The following SPARC variants were observed in gnomAD, a reference collection of about 807,000 sequenced individuals.
SPARC encodes secreted protein acidic and cysteine rich.
SPARC carries 23 observed loss-of-function variants against 37.7 expected under a neutral mutation model. That is an observed-to-expected ratio of 0.61 (90% CI 0.44 to 0.87). SPARC has a LOEUF of 0.87. SPARC is among the 40% of genes least tolerant of loss of function. The pLI, the probability that SPARC is intolerant of heterozygous loss-of-function variation, is 0.00. For missense variants in SPARC, 312 were observed against 389.0 expected (o/e 0.80, Z 1.66); for synonymous variants, 155 against 150.8 (o/e 1.03, Z -0.20).
rs1059279 is a variant in SPARC, at chr5:151,662,618, A to C, written c.*953T>G. On this transcript the variant is annotated 3_prime_UTR_variant, in exon 10 of 10. Coordinates refer to ENST00000231061, the MANE Select transcript of SPARC (RefSeq NM_003118.4). ...AAGTTTCTCTTGATTAATAGAAGAA[A>C]AAAGGGGAGGGTGAAGAAAAGGAGG... is the stretch of plus-strand genomic sequence containing the variant. 0.14 allele frequency: 21,640 copies of C among 152,688 alleles called. 2,120 individuals are homozygous for C. The highest frequency in any genetic ancestry group is 0.38 in the East Asian group (1,972 of 5,182). The allele number at this position is 152,688 out of a possible 1,614,324, so 9.5% of individuals were successfully genotyped here.
In SPARC at chr5:151,667,765, T is replaced by C. The variant is rs1760662009; in HGVS notation, c.452-165A>G. 11 of 726,164 alleles carry C rather than the reference T, an allele frequency of 1.5e-5. No individual in the cohort carries two copies. The East Asian group carries it at 2.5e-4, about 16-fold the overall frequency. 45.0% of individuals were successfully genotyped at this position (726,164 alleles called of 1,614,324 possible). On this transcript the variant is annotated intron_variant, in intron 6 of 9. Coordinates refer to ENST00000231061, the MANE Select transcript of SPARC (RefSeq NM_003118.4). ...ACAGGACAATGAGCAGAGGAGATTATGTGTGGGAAGAATGCCCTAGAAATG... is the reference window on the plus strand; with the variant it reads ...ACAGGACAATGAGCAGAGGAGATTACGTGTGGGAAGAATGCCCTAGAAATG...
chr5:151,681,837 G>C (rs1760999811), intron 1 of SPARC, among the ~76,000 whole-genome samples: 1 of 152,208 alleles, frequency 6.6e-6, no homozygotes, highest in Non-Finnish European at 1.5e-5. Flanking sequence ...AGGTTGCAGT[G>C]AGCCAAGATT....
intron 6 of SPARC, among the ~76,000 whole-genome samples, chr5:151,668,442 C>A (rs955928826): frequency 1.3e-5 from 2 of 152,136 alleles, no homozygotes; most frequent in Admixed American, 6.5e-5. Context: ...CGTGAGCCAC[C>A]GCGCCTGACC....
chr5:151,674,707 T>A, intron 2 of SPARC, 33 bp from the exon 3 acceptor site: 1 of 1,610,224 alleles, frequency 6.2e-7, no homozygotes, highest in Non-Finnish European at 8.5e-7. Flanking sequence ...TTCAGAGGGG[T>A]CAGGAATAAG....
At chr5:151,683,272 T>G (rs2113121771) in intron 1 of SPARC, among the ~76,000 whole-genome samples, 1 of 152,328 alleles carries the variant, frequency 6.6e-6, no homozygotes, top group African/African-American at 2.4e-5. Context: ...CCTTTGGGCC[T>G]AATGACAAAG....
intron 9 of SPARC, 113 bp from the exon 10 acceptor site, chr5:151,663,712 A>G (rs1561915186): frequency 2.0e-6 from 2 of 997,528 alleles, no homozygotes; most frequent in East Asian, 4.8e-5. Flanking sequence ...CTAGGTGGCC[A>G]TGCAAGGTCA....
At position 151,685,392 on chromosome 5, in the gene SPARC, C is replaced by CCT. The variant is rs5872225; in HGVS notation, c.-14+1471_-14+1472dup. ...GAAAGCTGTGACCACCCATATTCATCCTCTCTCTCTCTCTCTCTCCCTCTC... is the reference window on the plus strand; with the variant it reads ...GAAAGCTGTGACCACCCATATTCATCCTCTCTCTCTCTCTCTCTCTCCCTCTC... On this transcript the variant is annotated intron_variant, in intron 1 of 9. Coordinates refer to ENST00000231061, the MANE Select transcript of SPARC (RefSeq NM_003118.4). 4.2e-3 allele frequency among the ~76,000 whole-genome samples: 586 copies of CCT among 141,178 alleles called. 12 individuals carry two copies. Among genetic ancestry groups the CCT allele is most frequent in the East Asian group, 0.022 (102 of 4,690 alleles). The allele number at this position is 141,178 out of a possible 152,430, so 92.6% of individuals were successfully genotyped here.
intron 1 of SPARC, among the ~76,000 whole-genome samples, chr5:151,685,585 T>C (rs1761120410): frequency 6.6e-6 from 1 of 152,068 alleles, no homozygotes; most frequent in African/African-American, 2.4e-5. Flanking sequence ...GAGCCTTCAG[T>C]TTCAGCCTTC....
At position 151,663,479 on chromosome 5, in the gene SPARC, C is replaced by A; in HGVS notation, c.*92G>T. ...TCTATGTTAGCACCTTGTCTCCAGG[C>A]AGAACAACAAACCATCCAAACATTT... On this transcript the variant is annotated 3_prime_UTR_variant, in exon 10 of 10. Coordinates refer to ENST00000231061, the MANE Select transcript of SPARC (RefSeq NM_003118.4). 1.6e-6 allele frequency: 2 copies of A among 1,267,436 alleles called. No individual in the cohort carries two copies. Among genetic ancestry groups the A allele is most frequent in the East Asian group, 2.3e-5 (1 of 42,896 alleles). 78.5% of individuals were successfully genotyped at this position (1,267,436 alleles called of 1,614,324 possible).
At chr5:151,671,753 C>A in intron 4 of SPARC, 59 bp from the exon 5 acceptor site, 4 of 1,602,050 alleles carry the variant, frequency 2.5e-6, no homozygotes, top group South Asian at 1.1e-5. Flanking sequence ...CCACCCCCAT[C>A]CTACCTGGAC....
chr5:151,667,169 A>G lies in SPARC; in HGVS notation c.585+298T>C, dbSNP rs56916069. On this transcript the variant is annotated intron_variant, in intron 7 of 9. Transcript: ENST00000231061. Reference sequence around the variant, plus strand: ...GCTTCTTGGGGTAGTTAATATGCTCATTAAAGCTTAAGATCCACAGACTCC... The same window carrying G: ...GCTTCTTGGGGTAGTTAATATGCTCGTTAAAGCTTAAGATCCACAGACTCC... Among the ~76,000 whole-genome samples, 27,339 of 152,188 alleles carry G rather than the reference A, an allele frequency of 0.18. 4,591 individuals are homozygous for G. Among genetic ancestry groups the G allele is most frequent in the African/African-American group, 0.45 (18,501 of 41,480 alleles).
At chr5:151,667,329 G>T in intron 7 of SPARC, 138 bp downstream of exon 7, 1 of 906,358 alleles carries the variant, frequency 1.1e-6, no homozygotes, top group South Asian at 1.5e-5. Context: ...AAGGCAGGAA[G>T]AGAAGTACGT....
intron 1 of SPARC, among the ~76,000 whole-genome samples, chr5:151,681,583 T>G (rs937702800): frequency 2.6e-5 from 4 of 152,178 alleles, no homozygotes; most frequent in Non-Finnish European, 5.9e-5. Flanking sequence ...AGTTAATCAA[T>G]AAGTGTGAAA....
intron 8 of SPARC, 95 bp downstream of exon 8, chr5:151,666,266 G>A: frequency 7.9e-7 from 1 of 1,265,374 alleles, no homozygotes; most frequent in Non-Finnish European, 1.1e-6. Context: ...GGATGCCAGG[G>A]CTTGGAGCAG....
At chr5:151,671,515 C>T in intron 5 of SPARC, 58 bp downstream of exon 5, 1 of 1,503,292 alleles carries the variant, frequency 6.7e-7, no homozygotes, top group Non-Finnish European at 8.9e-7. Context: ...CCTGAGCAGA[C>T]ATCCTGTATT....
At chr5:151,678,494 A>G (rs1361327036) in intron 1 of SPARC, among the ~76,000 whole-genome samples, 1 of 152,232 alleles carries the variant, frequency 6.6e-6, no homozygotes, top group African/African-American at 2.4e-5. Context: ...GCACTGTCAC[A>G]TAACACTGTC....
chr5:151,664,683 A>T (rs1046324740), intron 8 of SPARC, among the ~76,000 whole-genome samples: 1 of 152,178 alleles, frequency 6.6e-6, no homozygotes, highest in Non-Finnish European at 1.5e-5. Context: ...TACATCTATA[A>T]ATGCCTAGTA....
chr5:151,662,271 G>A lies in SPARC; in HGVS notation c.*1300C>T, dbSNP rs1164960820. 1.3e-5 allele frequency: 2 copies of A among 152,466 alleles called. No individual in the cohort carries two copies. Among genetic ancestry groups the A allele is most frequent in the Non-Finnish European group, 2.9e-5 (2 of 68,042 alleles). The allele number at this position is 152,466 out of a possible 1,614,324, so 9.4% of individuals were successfully genotyped here. On this transcript the variant is annotated 3_prime_UTR_variant, in exon 10 of 10. Coordinates refer to ENST00000231061, the MANE Select transcript of SPARC (RefSeq NM_003118.4). ...CTTACAGGAACCATACACTCCCTGT[G>A]TATAAACATGCCGGTGTGTGTGTAC...
At chr5:151,667,429 A>T in intron 7 of SPARC, 38 bp downstream of exon 7, 1 of 1,613,398 alleles carries the variant, frequency 6.2e-7, no homozygotes. Context: ...CTGGATCTTC[A>T]CCAGCACGGG....
Sources: allele counts gnomAD v4.1 joint callset (sites outside exome capture counted in the v4.1 genomes callset), GRCh38; gene constraint gnomAD v4.1.1; transcripts MANE v1.5; gene names NCBI Gene and HGNC (gene_info 2026-07-23, HGNC 2026-07-21).